Variants in NBEAL2 observed in about 807,000 individuals in gnomAD.
NBEAL2 encodes the protein neurobeachin like 2.
NBEAL2 carries 160 observed loss-of-function variants against 299.8 expected under a neutral mutation model. The observed-to-expected ratio is 0.53, with a 90% confidence interval of 0.47 to 0.61. The LOEUF is 0.61. NBEAL2 is among the 20% of genes least tolerant of loss of function. NBEAL2 has a pLI of 0.00. For synonymous variants in NBEAL2, 1,493 were observed against 1,542.3 expected (o/e 0.97, Z 0.75); for missense variants, 3,112 against 3,649.0 (o/e 0.85, Z 3.79).
At chr3:46,996,139 C>T (rs952915934) in intron 15 of NBEAL2, 88 bp downstream of exon 15, 41 of 1,545,370 alleles carry the variant, frequency 2.7e-5, no homozygotes, top group Non-Finnish European at 3.6e-5. Context: ...CCTTGTGTCC[C>T]GTGCTGCCCC....
chr3:47,003,272 C>T lies in NBEAL2; in HGVS notation c.5683C>T (p.Gln1895Ter). Residue 1895 changes from glutamine to a stop codon, truncating the protein, a stop_gained, in exon 35 of 54, where the codon CAG (glutamine) becomes TAG (stop). Coordinates refer to ENST00000450053, the MANE Select transcript of NBEAL2 (RefSeq NM_015175.3). LOFTEE classifies it high-confidence loss of function. The surrounding 1 kb of genome is among the most constrained non-coding windows in gnomAD (Gnocchi z 7.0). ...CCCACCCGAGTTGCTGCAGGAGGAC[C>T]AGCTCGGCGAGGACGAGCTGGCTGA... is the stretch of plus-strand genomic sequence containing the variant. Reference protein sequence around the residue: ...STPPELLQEDQLGEDELAELE... With the variant: ...STPPELLQED The T allele has an allele frequency of 4.3e-6, 7 of 1,613,068 alleles. No homozygotes were observed. The highest frequency in any genetic ancestry group is 5.9e-6 in the Non-Finnish European group (7 of 1,179,842).
At chr3:46,990,565 C>T (rs978022311) in intron 6 of NBEAL2, among the ~76,000 whole-genome samples, 1 of 152,220 alleles carries the variant, frequency 6.6e-6, no homozygotes, top group Non-Finnish European at 1.5e-5. Context: ...CCAAGGAGGC[C>T]TCCCACCCAT....
At position 46,995,597 on chromosome 3, in the gene NBEAL2, C is replaced by G. The variant is rs771167758; in HGVS notation, c.1862C>G (p.Ala621Gly). 9.9e-6 allele frequency: 16 copies of G among 1,612,142 alleles called. No homozygotes were observed. Among genetic ancestry groups the G allele is most frequent in the Admixed American group, 3.3e-5 (2 of 59,986 alleles). The change falls in exon 13 of 54, where the codon GCC becomes GGC. Residue 621 changes from alanine to glycine, a missense_variant. By Grantham distance (60) the Ala-to-Gly change is moderately conservative. Coordinates refer to ENST00000450053, the MANE Select transcript of NBEAL2 (RefSeq NM_015175.3). Reference protein sequence around the residue: ...LHPMDTAPTPAPTRPLQRKQL... With the variant: ...LHPMDTAPTPGPTRPLQRKQL... ...CCTATGGATACAGCACCTACCCCTG[C>G]CCCCACCCGACCACTCCAGCGAAAG...
chr3:46,989,615 C>T lies in NBEAL2; in HGVS notation c.556+22C>T, dbSNP rs370943621. On this transcript the variant is annotated intron_variant, in intron 6 of 53. Coordinates refer to ENST00000450053, the MANE Select transcript of NBEAL2 (RefSeq NM_015175.3). This position sits in a 1 kb window ranked among gnomAD's most constrained non-coding sequence, Gnocchi z 5.5. Reference sequence around the variant, plus strand: ...CAAGGTCAGGCCCCGCCCCTGCCCCCACTTGGCTCCACCCCCAAACCTAGG... The same window carrying T: ...CAAGGTCAGGCCCCGCCCCTGCCCCTACTTGGCTCCACCCCCAAACCTAGG... The T allele has an allele frequency of 2.6e-3, 4,030 of 1,557,936 alleles. 13 individuals carry two copies. The highest frequency in any genetic ancestry group is 2.9e-3 in the Non-Finnish European group (3,298 of 1,149,404).
In NBEAL2 at chr3:46,979,675, G is replaced by A. The variant is rs1432893047; in HGVS notation, c.-187G>A. ...CTGGGCGGCGGCCGGCAGTGAGGAG[G>A]AGGAGCGAGCAGACTTGGGTGGCTC... is the stretch of plus-strand genomic sequence containing the variant. On this transcript the variant is annotated 5_prime_UTR_variant, in exon 1 of 54. Transcript: ENST00000450053. 9.4e-6 allele frequency: 3 copies of A among 317,508 alleles called. No homozygotes were observed. Among genetic ancestry groups the A allele is most frequent in the African/African-American group, 6.6e-5 (3 of 45,574 alleles). 19.7% of individuals were successfully genotyped at this position (317,508 alleles called of 1,614,324 possible).
At position 46,992,040 on chromosome 3, in the gene NBEAL2, T is replaced by A. The variant is rs1014680467; in HGVS notation, c.1032+94T>A. On this transcript the variant is annotated intron_variant, in intron 9 of 53. Coordinates refer to ENST00000450053, the MANE Select transcript of NBEAL2 (RefSeq NM_015175.3). ...AGGCTGCTGCTGAGCAAACATGGGCTGGACAGAGTCAGTGTTTTGCAGCTG... is the reference window on the plus strand; with the variant it reads ...AGGCTGCTGCTGAGCAAACATGGGCAGGACAGAGTCAGTGTTTTGCAGCTG... 4 of 1,133,606 alleles carry A rather than the reference T, an allele frequency of 3.5e-6. No homozygotes were observed. The African/African-American group carries it at 4.6e-5, about 13-fold the overall frequency. The allele number at this position is 1,133,606 out of a possible 1,614,324, so 70.2% of individuals were successfully genotyped here.
chr3:47,007,773 T>C, intron 48 of NBEAL2, 43 bp from the exon 49 acceptor site: 1 of 1,609,070 alleles, frequency 6.2e-7, no homozygotes, highest in Non-Finnish European at 8.5e-7. Flanking sequence ...CCAGGGCGGA[T>C]GTGACTCCTC....
At chr3:46,984,005 T>TA (rs924913640) in intron 1 of NBEAL2, among the ~76,000 whole-genome samples, 15 of 150,774 alleles carry the variant, frequency 9.9e-5, no homozygotes, top group Non-Finnish European at 2.2e-4. Flanking sequence ...TTTCCTTGCT[T>TA]AAAAAAAAAT....
At chr3:46,980,643 C>A (rs1198358452) in intron 1 of NBEAL2, among the ~76,000 whole-genome samples, 1 of 152,156 alleles carries the variant, frequency 6.6e-6, no homozygotes, top group African/African-American at 2.4e-5. Context: ...CCCGTTCCTC[C>A]TGAGCTCCCC....
At position 46,991,363 on chromosome 3, in the gene NBEAL2, G is replaced by A; in HGVS notation, c.643-43G>A. 1 of 1,584,444 alleles carries A rather than the reference G, an allele frequency of 6.3e-7. No individual in the cohort carries two copies. The highest frequency in any genetic ancestry group is 1.1e-5 in the South Asian group (1 of 87,526). ...CAGCTCTTTCAGTATCTCTCTGCTGGGTGAGCCCCTTGCCCACTGCCCATC... is the reference window on the plus strand; with the variant it reads ...CAGCTCTTTCAGTATCTCTCTGCTGAGTGAGCCCCTTGCCCACTGCCCATC... On this transcript the variant is annotated intron_variant, in intron 7 of 53. Coordinates refer to ENST00000450053, the MANE Select transcript of NBEAL2 (RefSeq NM_015175.3). The surrounding 1 kb of genome is among the most constrained non-coding windows in gnomAD (Gnocchi z 6.2).
In NBEAL2 at chr3:46,996,376, G is replaced by A. The variant is rs780140037; in HGVS notation, c.2257G>A (p.Ala753Thr). The A allele has an allele frequency of 1.4e-5, 22 of 1,611,878 alleles. No homozygotes were observed. The highest frequency in any genetic ancestry group is 8.0e-5 in the African/African-American group (6 of 74,878). ...CGCCACCCTGGCCTACACTCACCCC[G>A]CCCTCACCCGCTCCCAGTCAGTCCC... ...VPATLAYTHP[A>T]LTRSQSVPAS... Residue 753 changes from alanine (A) to threonine (T), a missense_variant, in exon 16 of 54, where the codon GCC becomes ACC. Physicochemically the swap from Ala to Thr is moderately conservative, Grantham distance 58 (BLOSUM62 0). Transcript: ENST00000450053.
Position 47,009,303 on chromosome 3 carries a change from C to A in NBEAL2, c.8248C>A (p.Pro2750Thr). ...QVSSGETEYNPTEAR is the reference protein window; with the variant it reads ...QVSSGETEYNTTEAR ...GTCCTCGGGAGAGACGGAATACAAC[C>A]CTACTGAGGCGCGCTGAACCTGGCC... Residue 2750 changes from proline to threonine, a missense_variant, in exon 54 of 54, where the codon CCT (proline) becomes ACT (threonine). Coordinates refer to ENST00000450053, the MANE Select transcript of NBEAL2 (RefSeq NM_015175.3). 6.3e-7 allele frequency: 1 copy of A among 1,598,202 alleles called. No individual in the cohort carries two copies.
Position 47,002,809 on chromosome 3 carries a change from C to G in NBEAL2, c.5459+7C>G. The stretch of plus-strand genomic sequence containing the variant: ...GTGGGGCCTGGGCGCTGAGGTGGGC[C>G]GGGCTTGGGGCAGGGTCGCTGTGGA... On this transcript the variant is annotated splice_region_variant and intron_variant, in intron 33 of 53. Transcript: ENST00000450053. 1 of 1,169,798 alleles carries G rather than the reference C, an allele frequency of 8.5e-7. No individual in the cohort carries two copies. The highest frequency in any genetic ancestry group is 1.1e-6 in the Non-Finnish European group (1 of 883,590). The allele number at this position is 1,169,798 out of a possible 1,614,324, so 72.5% of individuals were successfully genotyped here.
In NBEAL2 at chr3:47,003,391, C is replaced by T; in HGVS notation, c.5720+82C>T. ...TGTGTGCATGCCTCTGTGGGATCAA[C>T]TCCCTGAGTGTGTCCTCTTCTGCTG... On this transcript the variant is annotated intron_variant, in intron 35 of 53. Transcript: ENST00000450053. The surrounding 1 kb of genome is among the most constrained non-coding windows in gnomAD (Gnocchi z 7.0). 1 of 1,536,958 alleles carries T rather than the reference C, an allele frequency of 6.5e-7. No homozygotes were observed. The highest frequency in any genetic ancestry group is 8.8e-7 in the Non-Finnish European group (1 of 1,138,126).
intron 6 of NBEAL2, among the ~76,000 whole-genome samples, chr3:46,990,319 A>G (rs1413693250): frequency 6.6e-6 from 1 of 152,156 alleles, no homozygotes; most frequent in Non-Finnish European, 1.5e-5. Flanking sequence ...TGCTGTTATT[A>G]AAACAAACTG....
chr3:46,984,843 T>G (rs1350203330), intron 1 of NBEAL2, among the ~76,000 whole-genome samples: 1 of 152,142 alleles, frequency 6.6e-6, no homozygotes, highest in African/African-American at 2.4e-5. Flanking sequence ...TGCCTGGAAT[T>G]CAGGGAGCTC....
chr3:47,000,356 G>A lies in NBEAL2; in HGVS notation c.4257G>A (p.Pro1419=), dbSNP rs116791394. 1.3e-3 allele frequency: 2,033 copies of A among 1,598,494 alleles called. 22 individuals are homozygous for A. The African/African-American group carries it at 0.024, about 19-fold the overall frequency. The stretch of plus-strand genomic sequence containing the variant: ...ATGTGCTGGAGGACGGCAGCCTCCC[G>A]GAGCCCACCATTAGCGGGGATGATA... ...LSNVLEDGSL[P]EPTISGDDTS... Residue 1419 remains proline, a synonymous_variant, in exon 27 of 54, where the codon CCG becomes CCA. Coordinates refer to ENST00000450053, the MANE Select transcript of NBEAL2 (RefSeq NM_015175.3). This position sits in a 1 kb window ranked among gnomAD's most constrained non-coding sequence, Gnocchi z 4.5.
At chr3:46,997,479 G>A (rs763461711) in intron 19 of NBEAL2, 46 bp downstream of exon 19, 197 of 1,594,802 alleles carry the variant, frequency 1.2e-4, no homozygotes, top group Admixed American at 3.5e-4. Flanking sequence ...ATCTTGGCAT[G>A]GTAGGGGGGT....
intron 45 of NBEAL2, 28 bp downstream of exon 45, chr3:47,006,477 A>G: frequency 6.5e-7 from 1 of 1,544,828 alleles, no homozygotes; most frequent in Non-Finnish European, 8.8e-7. Flanking sequence ...CCTCAACTTT[A>G]TATTCTGTGA....
Sources: allele counts gnomAD v4.1 joint callset (sites outside exome capture counted in the v4.1 genomes callset), GRCh38; gene constraint gnomAD v4.1.1; non-coding constraint Gnocchi (gnomAD v3.1); transcripts MANE v1.5; gene names NCBI Gene and HGNC (gene_info 2026-07-23, HGNC 2026-07-21).